CNGB3: variants seen among roughly 807,000 people sequenced by gnomAD.
CNGB3 encodes the protein cyclic nucleotide-gated channel beta-3.
Under a neutral mutation model 92.8 loss-of-function variants are expected in CNGB3, and 86 were observed. That is an observed-to-expected ratio of 0.93 (90% confidence interval 0.78 to 1.11). The LOEUF is 1.11. CNGB3 is among the 50% of genes least tolerant of loss of function. The pLI, the probability that CNGB3 is intolerant of heterozygous loss-of-function variation, is 0.00. For missense variants in CNGB3, 1,026 were observed against 956.8 expected (o/e 1.07, Z -0.95); for synonymous variants, 333 against 332.7 (o/e 1.00, Z -0.01).
chr8:86,665,993 A>G (rs866659940), intron 6 of CNGB3, among the ~76,000 whole-genome samples: 2 of 152,236 alleles, frequency 1.3e-5, no homozygotes, highest in South Asian at 4.1e-4. Context: ...TCTCTACTAC[A>G]TGGAGGCACT....
Position 86,635,707 on chromosome 8 carries a change from C to G in CNGB3, c.1179-2814G>C, listed in dbSNP as rs371117898. Among the ~76,000 whole-genome samples, 116 of 151,028 alleles carry G rather than the reference C, an allele frequency of 7.7e-4. 1 individual carries two copies. The South Asian group carries it at 0.012, about 16-fold the overall frequency. On this transcript the variant is annotated intron_variant, in intron 10 of 17. Coordinates refer to ENST00000320005, the MANE Select transcript of CNGB3 (RefSeq NM_019098.5). ...AGCTTAATTAGTCAAGTGTGTCCAT[C>G]TCTAATATCTACATCCCAGTCAGAT...
At chr8:86,611,742 A>G (rs1477167669) in intron 13 of CNGB3, 71 bp from the exon 14 acceptor site, 2 of 1,082,058 alleles carry the variant, frequency 1.8e-6, no homozygotes, top group Middle Eastern at 2.5e-4. Context: ...TCAAAACTCA[A>G]TGAAAATAAA....
intron 6 of CNGB3, chr8:86,659,575 C>T (rs1035738952): frequency 2.8e-5 from 16 of 562,918 alleles, no homozygotes; most frequent in South Asian, 8.2e-5. Context: ...TCTTCTTCTG[C>T]TATGTAGAGA....
At chr8:86,604,964 T>C (rs1300654271) in intron 14 of CNGB3, among the ~76,000 whole-genome samples, 1 of 152,170 alleles carries the variant, frequency 6.6e-6, no homozygotes, top group Non-Finnish European at 1.5e-5. Flanking sequence ...GAATCATGTC[T>C]GGTCATGCAG....
intron 11 of CNGB3, among the ~76,000 whole-genome samples, chr8:86,632,043 A>G (rs1390217573): frequency 4.6e-5 from 7 of 151,714 alleles, no homozygotes; most frequent in African/African-American, 1.4e-4. Flanking sequence ...CTGTCCTACA[A>G]AAAAAATTAG....
chr8:86,664,507 C>T (rs1004678594), intron 6 of CNGB3, among the ~76,000 whole-genome samples: 8 of 152,162 alleles, frequency 5.3e-5, no homozygotes, highest in Non-Finnish European at 1.0e-4. Context: ...AAGGTAGCTT[C>T]CTTCTAGTTA....
chr8:86,619,178 C>T (rs572295682), intron 13 of CNGB3, among the ~76,000 whole-genome samples: 25 of 152,336 alleles, frequency 1.6e-4, no homozygotes, highest in Non-Finnish European at 2.4e-4. Flanking sequence ...TTCTAATGCA[C>T]GCCACTAGGT....
At chr8:86,659,968 C>A (rs1397853302) in intron 6 of CNGB3, 3 of 339,218 alleles carry the variant, frequency 8.8e-6, no homozygotes, top group Admixed American at 7.6e-5. Flanking sequence ...ATGAGAAAGT[C>A]TTGGTTTCAT....
chr8:86,628,119 G>A lies in CNGB3; in HGVS notation c.1480+800C>T, dbSNP rs182488723. ...TTAATAGTAAGGCTTCCAGTCAACAGTAGCCTATTAGTAGTTCAGTTCTGG... is the reference window on the plus strand; with the variant it reads ...TTAATAGTAAGGCTTCCAGTCAACAATAGCCTATTAGTAGTTCAGTTCTGG... On this transcript the variant is annotated intron_variant, in intron 12 of 17. Coordinates refer to ENST00000320005, the MANE Select transcript of CNGB3 (RefSeq NM_019098.5). 6.6e-4 allele frequency among the ~76,000 whole-genome samples: 100 copies of A among 152,294 alleles called. 1 individual carries two copies. Among genetic ancestry groups the A allele is most frequent in the African/African-American group, 2.3e-3 (96 of 41,558 alleles).
In CNGB3 at chr8:86,656,145, G is replaced by T. The variant is rs994379630; in HGVS notation, c.853-2083C>A. 6.6e-5 allele frequency among the ~76,000 whole-genome samples: 10 copies of T among 152,268 alleles called. No homozygotes were observed. The South Asian group carries it at 2.1e-3, about 32-fold the overall frequency. On this transcript the variant is annotated intron_variant, in intron 6 of 17. Coordinates refer to ENST00000320005, the MANE Select transcript of CNGB3 (RefSeq NM_019098.5). Reference sequence around the variant, plus strand: ...ATGATTTTTACTGTGAAACAAAATGGCTTACTGAGCCATGGGTAGACATAG... The same window carrying T: ...ATGATTTTTACTGTGAAACAAAATGTCTTACTGAGCCATGGGTAGACATAG...
At chr8:86,697,771 C>G (rs369453440) in intron 3 of CNGB3, among the ~76,000 whole-genome samples, 30 of 152,182 alleles carry the variant, frequency 2.0e-4, no homozygotes, top group African/African-American at 6.5e-4. Context: ...AAGTATATCT[C>G]CTAATGCTAT....
chr8:86,617,157 G>C (rs16916164), intron 13 of CNGB3, among the ~76,000 whole-genome samples: 1 of 152,246 alleles, frequency 6.6e-6, no homozygotes, highest in African/African-American at 2.4e-5. Flanking sequence ...GTTAGATGGT[G>C]GTTCTTGTAC....
chr8:86,605,544 A>T (rs548111807), intron 14 of CNGB3, among the ~76,000 whole-genome samples: 1 of 152,234 alleles, frequency 6.6e-6, no homozygotes, highest in Non-Finnish European at 1.5e-5. Context: ...ATTCTCATTA[A>T]CCATACTTTG....
chr8:86,578,945 T>C, intron 16 of CNGB3, 82 bp from the exon 17 acceptor site: 1 of 1,576,888 alleles, frequency 6.3e-7, no homozygotes, highest in Admixed American at 1.7e-5. Flanking sequence ...CAATTTATCC[T>C]AACCTGTGTA....
chr8:86,632,910 T>C lies in CNGB3; in HGVS notation c.1179-17A>G. 1.2e-6 allele frequency: 2 copies of C among 1,611,108 alleles called. No homozygotes were observed. Among genetic ancestry groups the C allele is most frequent in the South Asian group, 1.1e-5 (1 of 90,950 alleles). The stretch of plus-strand genomic sequence containing the variant: ...CTCAGATACCTGTGAAAACAGAAGA[T>C]ATACATTTTGCTTTTTTTCTATATC... On this transcript the variant is annotated splice_polypyrimidine_tract_variant and intron_variant, in intron 10 of 17. Coordinates refer to ENST00000320005, the MANE Select transcript of CNGB3 (RefSeq NM_019098.5).
chr8:86,579,339 A>C, intron 15 of CNGB3, 87 bp from the exon 16 acceptor site: 1 of 1,439,064 alleles, frequency 6.9e-7, no homozygotes. Context: ...TATTATAAGT[A>C]TTTATACTGC....
At chr8:86,702,753 A>C (rs1002303076) in intron 3 of CNGB3, among the ~76,000 whole-genome samples, 1 of 152,002 alleles carries the variant, frequency 6.6e-6, no homozygotes. Context: ...CTTTTTTCTA[A>C]CTTGTGAATT....
intron 3 of CNGB3, among the ~76,000 whole-genome samples, chr8:86,711,854 A>G (rs1191697606): frequency 6.7e-6 from 1 of 149,962 alleles, no homozygotes; most frequent in Non-Finnish European, 1.5e-5. Flanking sequence ...TATATATATG[A>G]CATATAATAC....
intron 7 of CNGB3, among the ~76,000 whole-genome samples, chr8:86,650,366 C>T (rs1173219311): frequency 6.6e-6 from 1 of 151,476 alleles, no homozygotes; most frequent in Admixed American, 6.6e-5. Context: ...ACCATCTGAT[C>T]CAGCAATCCC....
Sources: gnomAD v4.1 joint callset for allele counts (sites outside exome capture counted in the v4.1 genomes callset) on GRCh38, gnomAD v4.1.1 for gene constraint, MANE v1.5 for transcripts, NCBI Gene and HGNC (gene_info 2026-07-23, HGNC 2026-07-21) for gene names.